NALCN: variants seen among roughly 807,000 people sequenced by gnomAD.
NALCN encodes the protein sodium leak channel NALCN.
Under a neutral mutation model 225.3 loss-of-function variants are expected in NALCN, and 111 were observed. The observed-to-expected ratio is 0.49, with a 90% CI of 0.42 to 0.58. The LOEUF is 0.58. Ranked by LOEUF, NALCN falls within the 20% of genes least tolerant of loss-of-function variation. The pLI, the probability that NALCN is intolerant of heterozygous loss-of-function variation, is 0.00. For synonymous variants in NALCN, 764 were observed against 769.0 expected (o/e 0.99, Z 0.11); for missense variants, 1,378 against 2,202.4 (o/e 0.63, Z 7.49).
chr13:101,351,296 T>C (rs2045901428), intron 6 of NALCN, among the ~76,000 whole-genome samples: 2 of 152,216 alleles, frequency 1.3e-5, no homozygotes, highest in South Asian at 2.1e-4. Flanking sequence ...GTAGCTTCCA[T>C]GTATCAAAAT....
chr13:101,255,007 G>A (rs912056331), intron 11 of NALCN, among the ~76,000 whole-genome samples: 6 of 151,632 alleles, frequency 4.0e-5, no homozygotes, highest in Non-Finnish European at 5.9e-5. Context: ...TACCATCAAT[G>A]CCATTGACAT....
chr13:101,077,725 A>G (rs773008495), intron 34 of NALCN, among the ~76,000 whole-genome samples: 1 of 152,226 alleles, frequency 6.6e-6, no homozygotes, highest in Non-Finnish European at 1.5e-5. Flanking sequence ...AACCTTATTT[A>G]CTAGGGAGAA....
At position 101,143,811 on chromosome 13, in the gene NALCN, C is replaced by T. The variant is rs142189876; in HGVS notation, c.1977-590G>A. On this transcript the variant is annotated intron_variant, in intron 16 of 43. Transcript: ENST00000251127. ...GTAATAAAACACTTTTTTTCCCCCTCTAAGACTTGGAAGAATTAGTTGCTC... is the reference window on the plus strand; with the variant it reads ...GTAATAAAACACTTTTTTTCCCCCTTTAAGACTTGGAAGAATTAGTTGCTC... Among the ~76,000 whole-genome samples the T allele has an allele frequency of 3.4e-3, 510 of 152,204 alleles. 2 individuals are homozygous for T. The highest frequency in any genetic ancestry group is 0.012 in the African/African-American group (489 of 41,540).
chr13:101,056,758 G>A (rs1210508049), intron 43 of NALCN, among the ~76,000 whole-genome samples: 1 of 152,088 alleles, frequency 6.6e-6, no homozygotes, highest in Non-Finnish European at 1.5e-5. Flanking sequence ...CTCTGTCATA[G>A]ACAATTCCCT....
Position 101,143,112 on chromosome 13 carries a change from C to T in NALCN, c.2086G>A (p.Ala696Thr). ...SSSCDHSKRS[A>T]IEDNKYIDQK... is the part of the protein sequence containing the mutation. ...TCGATGTATTTGTTGTCCTCAATTG[C>T]TGAGCGTTTGGAGTGGTCGCAGGAG... Residue 696 changes from alanine to threonine, a missense_variant, in exon 17 of 44, where the codon GCA becomes ACA. Coordinates refer to ENST00000251127, the MANE Select transcript of NALCN (RefSeq NM_052867.4). 6.2e-7 allele frequency: 1 copy of T among 1,614,144 alleles called. No individual in the cohort carries two copies. The highest frequency in any genetic ancestry group is 2.2e-5 in the East Asian group (1 of 44,878).
chr13:101,091,036 G>A (rs1423995692), intron 28 of NALCN, among the ~76,000 whole-genome samples: 1 of 151,990 alleles, frequency 6.6e-6, no homozygotes, highest in African/African-American at 2.4e-5. Flanking sequence ...CTTTTTACTA[G>A]ATTGCATCTT....
chr13:101,357,118 A>C (rs2139347089), intron 6 of NALCN, among the ~76,000 whole-genome samples: 1 of 152,332 alleles, frequency 6.6e-6, no homozygotes, highest in Non-Finnish European at 1.5e-5. Context: ...TCTTTTTGAA[A>C]ACTGGCACAA....
chr13:101,186,687 T>G lies in NALCN; in HGVS notation c.1764+5230A>C, dbSNP rs537283931. The stretch of plus-strand genomic sequence containing the variant: ...TAAAAGTTTGAACAGTTTACCTTTT[T>G]TGTGTTAGACTTCATAATCAGATAA... On this transcript the variant is annotated intron_variant, in intron 14 of 43. Transcript: ENST00000251127. 7.9e-5 allele frequency among the ~76,000 whole-genome samples: 12 copies of G among 152,278 alleles called. No individual in the cohort carries two copies. The South Asian group carries it at 2.3e-3, about 29-fold the overall frequency.
intron 2 of NALCN, among the ~76,000 whole-genome samples, chr13:101,397,360 T>C (rs1364351161): frequency 6.6e-6 from 1 of 150,394 alleles, no homozygotes; most frequent in Non-Finnish European, 1.5e-5. Context: ...AAACATGTTC[T>C]AGATAAGACA....
Position 101,065,553 on chromosome 13 carries a change from G to A in NALCN, c.4455C>T (p.Ile1485=), listed in dbSNP as rs762434014. Residue 1485 remains isoleucine (I), a synonymous_variant, in exon 40 of 44, where the codon ATC becomes ATT. Coordinates refer to ENST00000251127, the MANE Select transcript of NALCN (RefSeq NM_052867.4). ...GCAGGAACTTGACGCGGAACGTGGGGATCACCCCCTGCGGGGCAGAGCACA... is the reference window on the plus strand; with the variant it reads ...GCAGGAACTTGACGCGGAACGTGGGAATCACCCCCTGCGGGGCAGAGCACA... ...NMVDDKREGV[I]PTFRVKFLLR... 7 of 1,613,718 alleles carry A rather than the reference G, an allele frequency of 4.3e-6. No individual in the cohort carries two copies. The Admixed American group carries it at 1.2e-4, about 27-fold the overall frequency.
intron 11 of NALCN, among the ~76,000 whole-genome samples, chr13:101,249,062 A>G (rs1218428562): frequency 6.6e-6 from 1 of 152,074 alleles, no homozygotes; most frequent in African/African-American, 2.4e-5. Context: ...TTTGGTCTAA[A>G]ATCCAGGTAG....
rs774045884 is a variant in NALCN at position 101,053,983 on chromosome 13, A to ATGT, written c.*1309_*1311dup. 1 of 152,230 alleles carries ATGT rather than the reference A, an allele frequency of 6.6e-6. No homozygotes were observed. Among genetic ancestry groups the ATGT allele is most frequent in the Non-Finnish European group, 1.5e-5 (1 of 68,016 alleles). 9.4% of individuals were successfully genotyped at this position (152,230 alleles called of 1,614,324 possible). On this transcript the variant is annotated 3_prime_UTR_variant, in exon 44 of 44. Transcript: ENST00000251127. Reference sequence around the variant, plus strand: ...TCCTATTTGCCTATCTATCTGAGGAATGTTAAATAGAGAAAAATAGATTAT... The same window carrying ATGT: ...TCCTATTTGCCTATCTATCTGAGGAATGTTGTTAAATAGAGAAAAATAGATTAT...
intron 6 of NALCN, among the ~76,000 whole-genome samples, chr13:101,354,119 G>A (rs962499139): frequency 1.5e-4 from 23 of 152,130 alleles, no homozygotes; most frequent in African/African-American, 4.8e-4. Flanking sequence ...CGAGGCGGGC[G>A]GATCACCTAA....
intron 2 of NALCN, among the ~76,000 whole-genome samples, chr13:101,397,069 T>TATATATAC (rs2047317328): frequency 1.6e-5 from 1 of 61,696 alleles, no homozygotes; most frequent in Non-Finnish European, 4.1e-5. Context: ...GAATGTATTA[T>TATATATAC]ATATATATAT....
At chr13:101,269,999 G>C (rs1167679985) in intron 10 of NALCN, among the ~76,000 whole-genome samples, 1 of 152,312 alleles carries the variant, frequency 6.6e-6, no homozygotes, top group East Asian at 1.9e-4. Context: ...CTGGTGTCTA[G>C]AAAGAGTAGA....
At chr13:101,217,240 G>A (rs2040770692) in intron 13 of NALCN, among the ~76,000 whole-genome samples, 1 of 152,170 alleles carries the variant, frequency 6.6e-6, no homozygotes, top group Non-Finnish European at 1.5e-5. Flanking sequence ...GTTACAGAAA[G>A]ACTGTGGTTG....
chr13:101,137,682 G>T (rs569792324), intron 17 of NALCN, among the ~76,000 whole-genome samples: 1 of 152,272 alleles, frequency 6.6e-6, no homozygotes, highest in South Asian at 2.1e-4. Flanking sequence ...AAATTGATCA[G>T]TAATTAATAT....
At chr13:101,394,236 G>T (rs1444315350) in intron 3 of NALCN, among the ~76,000 whole-genome samples, 3 of 152,186 alleles carry the variant, frequency 2.0e-5, no homozygotes, top group Non-Finnish European at 4.4e-5. Flanking sequence ...TTAATGCATT[G>T]TCTGTGATCT....
At chr13:101,250,410 T>C (rs558135542) in intron 11 of NALCN, among the ~76,000 whole-genome samples, 34 of 152,190 alleles carry the variant, frequency 2.2e-4, no homozygotes, top group African/African-American at 7.9e-4. Flanking sequence ...CAACATGTTA[T>C]CAACTAAAGC....
Sources: gnomAD v4.1 joint callset for allele counts (sites outside exome capture counted in the v4.1 genomes callset) on GRCh38, gnomAD v4.1.1 for gene constraint, MANE v1.5 for transcripts, NCBI Gene and HGNC (gene_info 2026-07-23, HGNC 2026-07-21) for gene names.